The following PEAK1 variants were observed in gnomAD, a reference collection of about 807,000 sequenced individuals.
PEAK1 encodes inactive tyrosine-protein kinase PEAK1.
In PEAK1, 54 loss-of-function variants were observed where a neutral mutation model predicts 124.7. The ratio of observed to expected loss-of-function variants is 0.43; its 90% confidence interval spans 0.35 to 0.54. The LOEUF is 0.54. Among genes scored for constraint, PEAK1 ranks in the 20% least tolerant of loss-of-function variants. The pLI is 0.01. For synonymous variants in PEAK1, 719 were observed against 760.0 expected (o/e 0.95, Z 0.89); for missense variants, 2,046 against 2,134.5 (o/e 0.96, Z 0.82).
intron 8 of PEAK1, among the ~76,000 whole-genome samples, chr15:77,147,052 A>G (rs2054225521): frequency 6.6e-6 from 1 of 152,364 alleles, no homozygotes; most frequent in South Asian, 2.1e-4. Flanking sequence ...AAAGTAAGTA[A>G]AATGAGAAAA....
At chr15:77,176,925 G>A (rs888472409) in intron 7 of PEAK1, among the ~76,000 whole-genome samples, 8 of 152,136 alleles carry the variant, frequency 5.3e-5, no homozygotes, top group African/African-American at 1.9e-4. Context: ...TGCTGTTTAA[G>A]CTGCCTCTTT....
chr15:77,184,634 T>C (rs1596515412), intron 6 of PEAK1, among the ~76,000 whole-genome samples: 1 of 152,218 alleles, frequency 6.6e-6, no homozygotes, highest in Non-Finnish European at 1.5e-5. Flanking sequence ...CGGTAGCTCA[T>C]GCCTGTAATC....
At chr15:77,195,604 T>C (rs1292981307) in intron 6 of PEAK1, among the ~76,000 whole-genome samples, 1 of 152,202 alleles carries the variant, frequency 6.6e-6, no homozygotes. Flanking sequence ...TTCAGGCTGA[T>C]GTGTGTAACC....
At position 77,180,282 on chromosome 15, in the gene PEAK1, C is replaced by T. The variant is rs1187959550; in HGVS notation, c.1645G>A (p.Glu549Lys). 1.9e-6 allele frequency: 3 copies of T among 1,613,992 alleles called. No individual in the cohort carries two copies. In the African/African-American group the frequency reaches 4.0e-5, roughly 22 times the overall value. ...GGTCCAGTTCCACTAGTAATTAGTT[C>T]TACTTTAGGTATCTTTTGTCGTGGA... is the stretch of plus-strand genomic sequence containing the variant. ...TSPRQKIPKV[E>K]LITSGTGPNV... The change falls in exon 7 of 10, where the codon GAA becomes AAA. Residue 549 changes from glutamate (E) to lysine (K), a missense_variant. Glu to Lys is a moderately conservative substitution (Grantham distance 56, BLOSUM62 1). Coordinates refer to ENST00000682557, the MANE Select transcript of PEAK1 (RefSeq NM_001385026.1).
chr15:77,387,637 A>G (rs2070065294), intron 1 of PEAK1, among the ~76,000 whole-genome samples: 1 of 152,354 alleles, frequency 6.6e-6, no homozygotes, highest in East Asian at 1.9e-4. Flanking sequence ...AACTAAATTA[A>G]GCAAAAATGA....
chr15:77,302,046 G>A (rs2063815478), intron 2 of PEAK1, among the ~76,000 whole-genome samples: 2 of 151,116 alleles, frequency 1.3e-5, no homozygotes, highest in Non-Finnish European at 2.9e-5. Context: ...GTTGTGTCTT[G>A]TTTTGTTTTT....
Position 77,321,986 on chromosome 15 carries a change from C to T in PEAK1, c.-602-35482G>A, listed in dbSNP as rs145533383. 4.4e-3 allele frequency among the ~76,000 whole-genome samples: 665 copies of T among 152,166 alleles called. 1 individual carries two copies. Among genetic ancestry groups the T allele is most frequent in the African/African-American group, 0.014 (568 of 41,502 alleles). On this transcript the variant is annotated intron_variant, in intron 2 of 9. Transcript: ENST00000682557. ...CAGGATTAAGAAACTCACTCAAAAC[C>T]GCTCGACTACATGGAAACGGAACAA...
chr15:77,304,711 T>C (rs953115313), intron 2 of PEAK1, among the ~76,000 whole-genome samples: 3 of 152,094 alleles, frequency 2.0e-5, no homozygotes, highest in African/African-American at 7.2e-5. Context: ...CCTCCCAAAG[T>C]GATGGGATTA....
intron 8 of PEAK1, among the ~76,000 whole-genome samples, chr15:77,138,773 A>G (rs962153644): frequency 6.6e-6 from 1 of 152,028 alleles, no homozygotes; most frequent in Admixed American, 6.6e-5. Flanking sequence ...GACGTAGGAG[A>G]ATCATTTGAA....
At chr15:77,131,770 T>C (rs2052884607) in intron 9 of PEAK1, among the ~76,000 whole-genome samples, 1 of 152,054 alleles carries the variant, frequency 6.6e-6, no homozygotes, top group African/African-American at 2.4e-5. Flanking sequence ...ATTTCTTAGC[T>C]GGTAAAGGGT....
At chr15:77,402,378 T>C (rs2142021187) in intron 1 of PEAK1, 2 of 985,358 alleles carry the variant, frequency 2.0e-6, no homozygotes, top group Non-Finnish European at 2.4e-6. Context: ...CCTCTTTAAA[T>C]GAGACCAATT....
At chr15:77,132,132 G>A (rs1037828813) in intron 9 of PEAK1, among the ~76,000 whole-genome samples, 2 of 152,002 alleles carry the variant, frequency 1.3e-5, no homozygotes, top group Non-Finnish European at 2.9e-5. Context: ...CCAGGCTGGA[G>A]TGCAGTGACC....
chr15:77,183,747 A>T (rs2057399732), intron 6 of PEAK1, among the ~76,000 whole-genome samples: 1 of 152,220 alleles, frequency 6.6e-6, no homozygotes, highest in Admixed American at 6.5e-5. Flanking sequence ...TATATAAAGA[A>T]CTTTCAAAAC....
chr15:77,191,146 T>G (rs2057812387), intron 6 of PEAK1, among the ~76,000 whole-genome samples: 1 of 152,214 alleles, frequency 6.6e-6, no homozygotes, highest in African/African-American at 2.4e-5. Context: ...CAATAATCTC[T>G]TATGTCAGGT....
Position 77,133,236 on chromosome 15 carries a change from A to T in PEAK1, c.3846T>A (p.Asn1282Lys). ...QRQALYRGLE[N>K]REEVVGKIRS... Reference sequence around the variant, plus strand: ...GGATTTTACCCACTACTTCCTCCCGATTCTCAAGTCCTCGATAAAGTGCTT... The same window carrying T: ...GGATTTTACCCACTACTTCCTCCCGTTTCTCAAGTCCTCGATAAAGTGCTT... Residue 1282 changes from asparagine (N) to lysine (K), a missense_variant, in exon 9 of 10, where the codon AAT becomes AAA. Physicochemically the swap from Asn to Lys is moderately conservative, Grantham distance 94. Transcript: ENST00000682557. This position sits in a 1 kb window ranked among gnomAD's most constrained non-coding sequence, Gnocchi z 4.2. The T allele has an allele frequency of 6.2e-7, 1 of 1,614,158 alleles. No homozygotes were observed. The highest frequency in any genetic ancestry group is 8.5e-7 in the Non-Finnish European group (1 of 1,180,026).
chr15:77,275,561 C>T (rs1456553167), intron 5 of PEAK1, among the ~76,000 whole-genome samples: 1 of 151,748 alleles, frequency 6.6e-6, no homozygotes, highest in African/African-American at 2.4e-5. Flanking sequence ...ACTAAAAATA[C>T]AAAAATTAGA....
chr15:77,181,357 T>C lies in PEAK1; in HGVS notation c.570A>G (p.Arg190=). ...INDCYKRSLE[R]KLPPSCMIGG... ...CTATCATGCAACTTGGTGGAAGCTT[T>C]CTTTCCAATGATCGTTTATAGCAAT... Residue 190 remains arginine, a synonymous_variant, in exon 7 of 10, where the codon AGA becomes AGG. Transcript: ENST00000682557. 1 of 1,614,192 alleles carries C rather than the reference T, an allele frequency of 6.2e-7. No individual in the cohort carries two copies. Among genetic ancestry groups the C allele is most frequent in the Non-Finnish European group, 8.5e-7 (1 of 1,180,038 alleles).
chr15:77,170,943 A>C (rs1003564854), intron 7 of PEAK1, among the ~76,000 whole-genome samples: 1 of 152,126 alleles, frequency 6.6e-6, no homozygotes, highest in Non-Finnish European at 1.5e-5. Flanking sequence ...AGAAATTCCT[A>C]ACTGGTCACA....
chr15:77,418,796 AT>A, intron 1 of PEAK1: 1 of 985,400 alleles, frequency 1.0e-6, no homozygotes, highest in Non-Finnish European at 1.2e-6. Context: ...TTCTCTGACT[AT>A]ACACATCACT....
Sources: allele counts gnomAD v4.1 joint callset (sites outside exome capture counted in the v4.1 genomes callset), GRCh38; gene constraint gnomAD v4.1.1; non-coding constraint Gnocchi (gnomAD v3.1); transcripts MANE v1.5; gene names NCBI Gene and HGNC (gene_info 2026-07-23, HGNC 2026-07-21).